Variants in PPP2R5C observed in about 807,000 individuals in gnomAD.
PPP2R5C encodes the protein protein phosphatase 2 regulatory subunit B'gamma, also known as serine/threonine-protein phosphatase 2A 56 kDa regulatory subunit gamma isoform.
A neutral mutation model predicts 68.9 loss-of-function variants in PPP2R5C; 7 were observed. That is an observed-to-expected ratio of 0.10 (90% CI 0.06 to 0.19). PPP2R5C has a LOEUF of 0.19. PPP2R5C is among the 10% of genes least tolerant of loss of function. The probability of loss-of-function intolerance (pLI) is 1.00; values close to 1 mark genes in which losing one functional copy is unlikely to be tolerated. For synonymous variants in PPP2R5C, 210 were observed against 222.2 expected, an observed-to-expected ratio of 0.95 and a Z score of 0.49; for missense variants, 348 against 641.3, an observed-to-expected ratio of 0.54 and a Z score of 4.94.
intron 11 of PPP2R5C, among the ~76,000 whole-genome samples, chr14:101,910,932 G>A (rs867467223): frequency 6.6e-6 from 1 of 151,974 alleles, no homozygotes; most frequent in Non-Finnish European, 1.5e-5. Flanking sequence ...GTGAAACCCC[G>A]TCTCTACTGA....
intron 2 of PPP2R5C, among the ~76,000 whole-genome samples, chr14:101,857,999 A>C (rs985427332): frequency 1.1e-4 from 17 of 152,122 alleles, no homozygotes; most frequent in African/African-American, 4.1e-4. Context: ...GATCAACTTG[A>C]TTGTTTTAAC....
At chr14:101,834,553 A>G (rs1196679283) in intron 1 of PPP2R5C, among the ~76,000 whole-genome samples, 1 of 152,220 alleles carries the variant, frequency 6.6e-6, no homozygotes, top group Non-Finnish European at 1.5e-5. Context: ...TCCCAGATTC[A>G]GTGTCTGGTG....
upstream of PPP2R5C, among the ~76,000 whole-genome samples, chr14:101,809,392 TA>T (rs549966280): frequency 4.5e-3 from 522 of 116,530 alleles, 4 homozygotes; most frequent in Middle Eastern, 0.019. Flanking sequence ...AACCATTTGT[TA>T]AAAAAAAAAA....
chr14:101,825,631 C>A lies in PPP2R5C; in HGVS notation c.94+15595C>A, dbSNP rs2040355655. Reference sequence around the variant, plus strand: ...ATTCCATCATTCAGGTTTCACTGAACTTTCATGTTGGCATTTCATTTAGTT... The same window carrying A: ...ATTCCATCATTCAGGTTTCACTGAAATTTCATGTTGGCATTTCATTTAGTT... On this transcript the variant is annotated intron_variant, in intron 1 of 13. Transcript: ENST00000334743. This position sits in a 1 kb window ranked among gnomAD's most constrained non-coding sequence, Gnocchi z 4.0. 1.3e-5 allele frequency among the ~76,000 whole-genome samples: 2 copies of A among 152,216 alleles called. No homozygotes were observed. The highest frequency in any genetic ancestry group is 1.3e-4 in the Admixed American group (2 of 15,278).
At chr14:101,833,178 C>CA (rs2040858689) in intron 1 of PPP2R5C, among the ~76,000 whole-genome samples, 1 of 152,230 alleles carries the variant, frequency 6.6e-6, no homozygotes, top group Non-Finnish European at 1.5e-5. Flanking sequence ...TGTTTACTCT[C>CA]ACGCCAAGCC....
At chr14:101,901,859 G>A in exon 9 of PPP2R5C, 1 of 1,614,168 alleles carries the variant, frequency 6.2e-7, no homozygotes, top group Non-Finnish European at 8.5e-7. Context: ...TCCGGCAGTT[G>A]GCCAAATGTG....
At position 101,762,883 on chromosome 14, in the gene PPP2R5C, G is replaced by T. The variant is rs556029259; in HGVS notation, c.28-22G>T. The T allele has an allele frequency of 2.2e-5, 35 of 1,569,344 alleles. No homozygotes were observed. In the East Asian group the frequency reaches 5.8e-4, roughly 26 times the overall value. ...TGTCTAAAAAGTGAGAAGACTAATT[G>T]ACTTTGCTTGATGTTTACCAGGAAT... On this transcript the variant is annotated intron_variant, in intron 1 of 14. Transcript: ENST00000328724.
intron 1 of PPP2R5C, chr14:101,831,552 A>G (rs1375622400): frequency 2.1e-6 from 1 of 478,374 alleles, no homozygotes; most frequent in African/African-American, 1.9e-5. Flanking sequence ...GAAGATGCTT[A>G]TCATCCTGTC....
At chr14:101,808,579 T>A (rs1350385597), upstream of PPP2R5C, among the ~76,000 whole-genome samples, 5 of 152,252 alleles carry the variant, frequency 3.3e-5, no homozygotes, top group Non-Finnish European at 7.3e-5. Context: ...CCCTTACTCA[T>A]TGAATGTATC....
At chr14:101,766,941 A>C (rs1050703764) in intron 2 of PPP2R5C, 3 of 152,220 alleles carry the variant, frequency 2.0e-5, no homozygotes, top group African/African-American at 4.8e-5. Context: ...TGTTTCTTTT[A>C]AGTGTGTGTA....
At chr14:101,814,598 G>A (rs1021187844) in intron 1 of PPP2R5C, among the ~76,000 whole-genome samples, 7 of 152,154 alleles carry the variant, frequency 4.6e-5, no homozygotes, top group African/African-American at 1.7e-4. Flanking sequence ...CTGCTCAGGA[G>A]GTTTTGCCTT....
intron 5 of PPP2R5C, 57 bp from the exon 8 acceptor site, chr14:101,890,180 T>C: frequency 2.0e-6 from 3 of 1,487,544 alleles, no homozygotes; most frequent in Non-Finnish European, 2.8e-6. Flanking sequence ...TAGAGCATTG[T>C]TTTCTTATTC....
chr14:101,768,986 G>A lies in PPP2R5C; in HGVS notation c.93+6016G>A, dbSNP rs187844011. ...ACTACAGGCGCCCGCCACCACGCCC[G>A]GCTCATTTTTTGTATTTTTAGTAGA... On this transcript the variant is annotated intron_variant, in intron 2 of 14. Coordinates refer to the PPP2R5C transcript ENST00000328724. 3.4e-3 allele frequency among the ~76,000 whole-genome samples: 512 copies of A among 152,062 alleles called. 2 individuals are homozygous for A. Among genetic ancestry groups the A allele is most frequent in the African/African-American group, 0.011 (436 of 41,486 alleles).
chr14:101,824,193 A>T (rs1325584026), intron 1 of PPP2R5C: 1 of 1,240,890 alleles, frequency 8.1e-7, no homozygotes, highest in Non-Finnish European at 1.0e-6. Flanking sequence ...TACTATTGGT[A>T]AAGATTCTTA....
At chr14:101,912,306 G>A (rs938386043) in intron 11 of PPP2R5C, 95 bp from the exon 14 acceptor site, 9 of 1,052,862 alleles carry the variant, frequency 8.5e-6, no homozygotes, top group East Asian at 5.6e-5. Flanking sequence ...GGGAGGAGCC[G>A]CTGGCTGGGC....
In PPP2R5C at chr14:101,917,851, C is replaced by A. The variant is rs1196896949; in HGVS notation, c.1347C>A (p.Ala449=). The A allele has an allele frequency of 6.2e-7, 1 of 1,613,588 alleles. No homozygotes were observed. The highest frequency in any genetic ancestry group is 8.5e-7 in the Non-Finnish European group (1 of 1,179,730). The stretch of plus-strand genomic sequence containing the variant: ...TGCAGTACACAGTGTATAGTCAAGC[C>A]AGCACCATGAGCATTCCGGTTGCAA... The change falls in exon 13 of 14, where the codon GCC becomes GCA. Residue 449 remains alanine, a synonymous_variant. Transcript: ENST00000334743. The surrounding 1 kb of genome is among the most constrained non-coding windows in gnomAD (Gnocchi z 4.4).
intron 2 of PPP2R5C, among the ~76,000 whole-genome samples, chr14:101,784,255 T>C (rs1371458800): frequency 1.3e-5 from 2 of 152,292 alleles, no homozygotes; most frequent in African/African-American, 4.8e-5. Context: ...AATTAATGTC[T>C]GGGGCTGGAG....
intron 2 of PPP2R5C, among the ~76,000 whole-genome samples, chr14:101,771,592 G>C (rs1213360539): frequency 1.3e-5 from 2 of 151,938 alleles, no homozygotes; most frequent in African/African-American, 4.8e-5. Context: ...GCTGGGCTTG[G>C]TGGCAGGCAT....
intron 3 of PPP2R5C, among the ~76,000 whole-genome samples, chr14:101,793,068 G>T (rs772402233): frequency 3.0e-4 from 45 of 151,922 alleles, no homozygotes; most frequent in Non-Finnish European, 5.7e-4. Flanking sequence ...TGTAAATATG[G>T]GGTTTCACTA....
Sources: allele counts gnomAD v4.1 joint callset (sites outside exome capture counted in the v4.1 genomes callset), GRCh38; gene constraint gnomAD v4.1.1; non-coding constraint Gnocchi (gnomAD v3.1); transcripts MANE v1.5; gene names NCBI Gene and HGNC (gene_info 2026-07-23, HGNC 2026-07-21).